IPCEF1: variants seen among roughly 807,000 people sequenced by gnomAD.
IPCEF1 encodes the protein interaction protein for cytohesin exchange factors 1, also known as interactor protein for cytohesin exchange factors 1.
A neutral mutation model predicts 50.9 loss-of-function variants in IPCEF1; 31 were observed. That is an observed-to-expected ratio of 0.61 (90% confidence interval 0.46 to 0.82). The LOEUF (loss-of-function observed/expected upper bound fraction) is 0.82. IPCEF1 is among the 40% of genes least tolerant of loss of function. The pLI is 0.00. For missense variants in IPCEF1, 458 were observed against 514.0 expected (o/e 0.89, Z 1.05); for synonymous variants, 181 against 192.0 (o/e 0.94, Z 0.47).
At chr6:154,262,769 CTTTTTTTTTTTTTT>C (rs138504583) in intron 3 of IPCEF1, among the ~76,000 whole-genome samples, 1 of 97,724 alleles carries the variant, frequency 1.0e-5, no homozygotes. Context: ...GCTTATAATC[CTTTTTTTTTTTTTT>C]TTTTTTTTTT....
At chr6:154,221,405 A>G in intron 6 of IPCEF1, 77 bp from the exon 7 acceptor site, 2 of 1,107,616 alleles carry the variant, frequency 1.8e-6, no homozygotes, top group South Asian at 2.7e-5. Context: ...AAATCAGTAA[A>G]ATACAAGCTT....
chr6:154,311,552 A>G (rs1398449130), intron 1 of IPCEF1, among the ~76,000 whole-genome samples: 1 of 152,214 alleles, frequency 6.6e-6, no homozygotes, highest in Non-Finnish European at 1.5e-5. Context: ...TTTCCTAAAT[A>G]TGTTTTTTAA....
intron 1 of IPCEF1, among the ~76,000 whole-genome samples, chr6:154,333,607 CAAGTATACATATATACGTACATAT>C (rs1783722010): frequency 4.2e-5 from 6 of 143,488 alleles, no homozygotes; most frequent in Non-Finnish European, 6.3e-5. Flanking sequence ...TATATGTATA[CAAGTATACATATATACGTACATAT>C]GTATACAAGT....
At chr6:154,321,751 GC>G (rs1045913032) in intron 1 of IPCEF1, among the ~76,000 whole-genome samples, 1 of 130,592 alleles carries the variant, frequency 7.7e-6, no homozygotes, top group African/African-American at 2.9e-5. Flanking sequence ...TTGCATTTCA[GC>G]CTGGGTGACA....
chr6:154,257,638 G>C (rs940005632), intron 3 of IPCEF1, among the ~76,000 whole-genome samples: 4 of 152,094 alleles, frequency 2.6e-5, no homozygotes, highest in African/African-American at 9.7e-5. Flanking sequence ...TCCCATACTG[G>C]CCTCAATATA....
intron 3 of IPCEF1, among the ~76,000 whole-genome samples, chr6:154,255,170 A>G (rs896119048): frequency 6.6e-6 from 1 of 152,164 alleles, no homozygotes; most frequent in African/African-American, 2.4e-5. Flanking sequence ...TTCATTTATC[A>G]TATAGCTTCC....
intron 1 of IPCEF1, among the ~76,000 whole-genome samples, chr6:154,296,557 T>C (rs544859796): frequency 3.0e-4 from 45 of 152,028 alleles, no homozygotes; most frequent in South Asian, 6.2e-4. Context: ...CGGCCGGGCG[T>C]GGTGGCTCAC....
chr6:154,355,560 C>T (rs568592911), intron 1 of IPCEF1, among the ~76,000 whole-genome samples: 1 of 151,834 alleles, frequency 6.6e-6, no homozygotes, highest in South Asian at 2.1e-4. Context: ...GCAATCTCAG[C>T]TCACTGCAAC....
At chr6:154,322,256 C>G (rs1309162849) in intron 1 of IPCEF1, among the ~76,000 whole-genome samples, 4 of 152,142 alleles carry the variant, frequency 2.6e-5, no homozygotes, top group Admixed American at 1.3e-4. Context: ...GTGTCTCACA[C>G]CTGTAATCCC....
chr6:154,264,328 T>A (rs1374693619), intron 3 of IPCEF1, among the ~76,000 whole-genome samples: 1 of 152,034 alleles, frequency 6.6e-6, no homozygotes, highest in Non-Finnish European at 1.5e-5. Context: ...CCCAGTTGAG[T>A]TAATTTTTAT....
In IPCEF1 at chr6:154,180,347, CATATATATATA is replaced by C. The variant is rs552786814; in HGVS notation, c.911-12245_911-12235del. On this transcript the variant is annotated intron_variant, in intron 10 of 11. Coordinates refer to ENST00000367220, the MANE Select transcript of IPCEF1 (RefSeq NM_001130700.2). Reference sequence around the variant, plus strand: ...AACTAGTTAGACTCAAGAAAGGAGACATATATATATATATACTGAGCTAGTTTAACAACAAC... The same window carrying C: ...AACTAGTTAGACTCAAGAAAGGAGACTATACTGAGCTAGTTTAACAACAAC... Among the ~76,000 whole-genome samples the C allele has an allele frequency of 6.1e-3, 864 of 142,146 alleles. 12 individuals are homozygous for C. Among genetic ancestry groups the C allele is most frequent in the African/African-American group, 0.022 (838 of 38,028 alleles). The allele number at this position is 142,146 out of a possible 152,430, so 93.3% of individuals were successfully genotyped here.
At chr6:154,206,373 T>G (rs1161509687) in intron 9 of IPCEF1, among the ~76,000 whole-genome samples, 1 of 152,188 alleles carries the variant, frequency 6.6e-6, no homozygotes, top group Non-Finnish European at 1.5e-5. Flanking sequence ...GGGGAAATAT[T>G]TGTGGAACAA....
At chr6:154,263,398 C>A in intron 3 of IPCEF1, among the ~76,000 whole-genome samples, 1 of 139,220 alleles carries the variant, frequency 7.2e-6, no homozygotes, top group East Asian at 2.1e-4. Flanking sequence ...TGCGGCCTTC[C>A]GCAGTGTTTG....
intron 1 of IPCEF1, among the ~76,000 whole-genome samples, chr6:154,311,688 A>G (rs542044774): frequency 2.0e-5 from 3 of 152,344 alleles, no homozygotes; most frequent in Non-Finnish European, 4.4e-5. Flanking sequence ...GTATGAAAAA[A>G]ATTTTCAATA....
intron 5 of IPCEF1, among the ~76,000 whole-genome samples, chr6:154,241,234 CAAAAAAAAA>C (rs11308882): frequency 1.3e-5 from 1 of 79,212 alleles, no homozygotes; most frequent in East Asian, 4.1e-4. Flanking sequence ...GACTCCATCT[CAAAAAAAAA>C]AAAAAAAAAA....
intron 10 of IPCEF1, among the ~76,000 whole-genome samples, chr6:154,169,315 C>T (rs1236616475): frequency 1.3e-5 from 2 of 152,122 alleles, no homozygotes; most frequent in African/African-American, 4.8e-5. Flanking sequence ...GAGCTGAGAT[C>T]ACACCACTGC....
At chr6:154,211,493 C>T (rs2128604959) in intron 9 of IPCEF1, among the ~76,000 whole-genome samples, 1 of 151,672 alleles carries the variant, frequency 6.6e-6, no homozygotes, top group Middle Eastern at 3.5e-3. Flanking sequence ...ACTCACTGGA[C>T]ACTTGAGCAT....
chr6:154,222,799 C>T (rs1176990976), intron 6 of IPCEF1, among the ~76,000 whole-genome samples: 4 of 152,212 alleles, frequency 2.6e-5, no homozygotes, highest in African/African-American at 9.7e-5. Context: ...GCTGGTCTTG[C>T]TGGCGTATCT....
At chr6:154,308,228 C>T (rs550626017) in intron 1 of IPCEF1, among the ~76,000 whole-genome samples, 6 of 152,220 alleles carry the variant, frequency 3.9e-5, no homozygotes, top group Non-Finnish European at 5.9e-5. Flanking sequence ...GATCCTCAAA[C>T]CCCAGCTTTC....
Sources: gnomAD v4.1 joint callset for allele counts (sites outside exome capture counted in the v4.1 genomes callset) on GRCh38, gnomAD v4.1.1 for gene constraint, MANE v1.5 for transcripts, NCBI Gene and HGNC (gene_info 2026-07-23, HGNC 2026-07-21) for gene names.